Variants in C1orf52 observed in about 807,000 individuals in gnomAD.
C1orf52 encodes the protein chromosome 1 open reading frame 52.
In C1orf52, 5 loss-of-function variants were observed where a neutral mutation model predicts 17.2. That is an observed-to-expected ratio of 0.29 (90% CI 0.15 to 0.61). C1orf52 has a LOEUF of 0.61. C1orf52 is among the 20% of genes least tolerant of loss of function. The probability of loss-of-function intolerance (pLI) is 0.85; values close to 1 mark genes in which losing one functional copy is unlikely to be tolerated. For missense variants in C1orf52, 245 were observed against 234.1 expected (o/e 1.05, Z -0.30); for synonymous variants, 110 against 88.0 (o/e 1.25, Z -1.40).
chr1:85,252,797 C>A (rs1659832116), intron 2 of C1orf52, 95 bp from the exon 3 acceptor site: 1 of 725,702 alleles, frequency 1.4e-6, no homozygotes. Context: ...AAAATTATTA[C>A]CCTCATCAAT....
Position 85,259,618 on chromosome 1 carries a change from TCTC to T in C1orf52, c.13_15del (p.Glu5del), listed in dbSNP as rs749646706. ...GCCGCAAAATAGCTCAGAGGGTCCT[TCTC>T]CTCCGCTGCCATGACGGCTGCGAGC... On this transcript the variant is annotated inframe_deletion, in exon 1 of 3. Transcript: ENST00000471115. 32 of 1,562,154 alleles carry T rather than the reference TCTC, an allele frequency of 2.0e-5. No individual in the cohort carries two copies. The African/African-American group carries it at 3.9e-4, about 19-fold the overall frequency.
At chr1:85,255,763 A>G (rs1280245647) in intron 2 of C1orf52, among the ~76,000 whole-genome samples, 1 of 150,452 alleles carries the variant, frequency 6.6e-6, no homozygotes, top group African/African-American at 2.4e-5. Context: ...TGAATGAAAA[A>G]GAAAGGCTAA....
rs1659823022 is a variant in C1orf52, at chr1:85,252,479, A to C, written c.*150T>G. On this transcript the variant is annotated 3_prime_UTR_variant, in exon 3 of 3. Transcript: ENST00000471115. ...ATGTTTTAAATAAAAAAAGAATTCT[A>C]TAGTGGAAAGTTCTTGAGGCAATAC... 1 of 617,862 alleles carries C rather than the reference A, an allele frequency of 1.6e-6. No homozygotes were observed. Among genetic ancestry groups the C allele is most frequent in the Non-Finnish European group, 2.8e-6 (1 of 353,676 alleles). The allele number at this position is 617,862 out of a possible 1,614,324, so 38.3% of individuals were successfully genotyped here.
chr1:85,254,492 C>G (rs1244882496), intron 2 of C1orf52, among the ~76,000 whole-genome samples: 1 of 151,802 alleles, frequency 6.6e-6, no homozygotes, highest in African/African-American at 2.4e-5. Context: ...CCCAGGTTCA[C>G]GCCATTCTCC....
Position 85,251,324 on chromosome 1 carries a change from T to C in C1orf52, c.*1305A>G, listed in dbSNP as rs940450896. On this transcript the variant is annotated 3_prime_UTR_variant, in exon 3 of 3. Coordinates refer to ENST00000471115, the MANE Select transcript of C1orf52 (RefSeq NM_198077.4). ...CCTTGGCCTCCCAAAGTGCTGGGAT[T>C]ACAAGCATAAGCCACCATGCTTGGC... is the stretch of plus-strand genomic sequence containing the variant. The C allele has an allele frequency of 2.6e-5, 4 of 152,228 alleles. No homozygotes were observed. The highest frequency in any genetic ancestry group is 9.6e-5 in the African/African-American group (4 of 41,452). The allele number at this position is 152,228 out of a possible 1,614,324, so 9.4% of individuals were successfully genotyped here. A position where few individuals can be genotyped will look rare whatever the true frequency, so the allele number is the denominator to read the frequency against.
intron 2 of C1orf52, among the ~76,000 whole-genome samples, chr1:85,255,385 A>C (rs1659911497): frequency 1.3e-5 from 2 of 152,040 alleles, no homozygotes; most frequent in South Asian, 4.2e-4. Flanking sequence ...CCCCATCTCC[A>C]CTAAAAATAC....
chr1:85,259,073 G>A, intron 1 of C1orf52: 1 of 1,348,014 alleles, frequency 7.4e-7, no homozygotes, highest in Non-Finnish European at 9.5e-7. Context: ...TGCAGCGGGG[G>A]GGGCGGGGGA....
chr1:85,255,199 CAT>C (rs1262087892), intron 2 of C1orf52, among the ~76,000 whole-genome samples: 1 of 152,160 alleles, frequency 6.6e-6, no homozygotes, highest in East Asian at 1.9e-4. Flanking sequence ...AATTATTATA[CAT>C]GTCAATAAAG....
chr1:85,255,419 G>A (rs1450295167), intron 2 of C1orf52, among the ~76,000 whole-genome samples: 1 of 152,006 alleles, frequency 6.6e-6, no homozygotes, highest in African/African-American at 2.4e-5. Flanking sequence ...GCGTGGTGGC[G>A]TGTGCCTGTA....
chr1:85,254,418 G>A (rs1049134665), intron 2 of C1orf52, among the ~76,000 whole-genome samples: 9 of 149,506 alleles, frequency 6.0e-5, no homozygotes, highest in African/African-American at 2.2e-4. Flanking sequence ...TTGAGATGGA[G>A]TCTTGCTCTG....
Position 85,252,694 on chromosome 1 carries a change from T to C in C1orf52, c.484A>G (p.Lys162Glu), listed in dbSNP as rs753249300. 1 of 1,610,558 alleles carries C rather than the reference T, an allele frequency of 6.2e-7. No homozygotes were observed. The highest frequency in any genetic ancestry group is 8.5e-7 in the Non-Finnish European group (1 of 1,177,316). ...CGCTTTTTAGAAGTATGCTCATCTT[T>C]TTCATCATCTTTAAATAGAAAAGGA... ...GEETLESDDE[K>E]DEHTSKKRKV... Residue 162 changes from lysine to glutamate, a missense_variant, in exon 3 of 3, where the codon AAA (lysine) becomes GAA (glutamate). Lys to Glu is a moderately conservative substitution (Grantham distance 56, BLOSUM62 1). Coordinates refer to ENST00000471115, the MANE Select transcript of C1orf52 (RefSeq NM_198077.4).
At chr1:85,257,331 T>C (rs1209902236) in intron 2 of C1orf52, 1 of 638,380 alleles carries the variant, frequency 1.6e-6, no homozygotes, top group South Asian at 1.8e-5. Flanking sequence ...ATACCTGAGA[T>C]TTCTTCTTTT....
intron 2 of C1orf52, among the ~76,000 whole-genome samples, chr1:85,256,507 T>G (rs939940601): frequency 1.3e-5 from 2 of 152,072 alleles, no homozygotes; most frequent in Non-Finnish European, 2.9e-5. Context: ...TTACTAATTA[T>G]GAAAAGGAAT....
chr1:85,256,565 C>G (rs1345132883), intron 2 of C1orf52, among the ~76,000 whole-genome samples: 1 of 151,910 alleles, frequency 6.6e-6, no homozygotes, highest in African/African-American at 2.4e-5. Flanking sequence ...TTTGGGAGGC[C>G]AAGGCGGGCA....
rs527624693 is a variant in C1orf52, at chr1:85,259,647, G to T, written c.-14C>A. The T allele has an allele frequency of 3.9e-6, 6 of 1,529,604 alleles. No individual in the cohort carries two copies. Among genetic ancestry groups the T allele is most frequent in the East Asian group, 2.5e-5 (1 of 40,652 alleles). The allele number at this position is 1,529,604 out of a possible 1,614,324, so 94.8% of individuals were successfully genotyped here. On this transcript the variant is annotated 5_prime_UTR_variant, in exon 1 of 3. Transcript: ENST00000471115. ...CTCCGCTGCCATGACGGCTGCGAGC[G>T]ACAACCCAGCACTCCGCCGGAAGCC...
In C1orf52 at chr1:85,250,300, A is replaced by G. The variant is rs1659769657; in HGVS notation, c.*2329T>C. On this transcript the variant is annotated 3_prime_UTR_variant, in exon 3 of 3. Coordinates refer to ENST00000471115, the MANE Select transcript of C1orf52 (RefSeq NM_198077.4). ...CCCAGGCTTAACTTAAAGTGCAGGA[A>G]ACAATCAGAAGTATCAAGTGACTCG... 6.6e-6 allele frequency: 1 copy of G among 152,174 alleles called. No individual in the cohort carries two copies. Among genetic ancestry groups the G allele is most frequent in the African/African-American group, 2.4e-5 (1 of 41,438 alleles). The allele number at this position is 152,174 out of a possible 1,614,324, so 9.4% of individuals were successfully genotyped here. A position where few individuals can be genotyped will look rare whatever the true frequency, so the allele number is the denominator to read the frequency against.
chr1:85,259,184 C>A, intron 1 of C1orf52, 174 bp downstream of exon 1: 2 of 1,132,240 alleles, frequency 1.8e-6, no homozygotes, highest in Non-Finnish European at 2.4e-6. Context: ...CTAACACCCA[C>A]CAGGCGGGGA....
At chr1:85,257,172 T>C (rs1659964680) in intron 2 of C1orf52, among the ~76,000 whole-genome samples, 1 of 152,228 alleles carries the variant, frequency 6.6e-6, no homozygotes, top group African/African-American at 2.4e-5. Flanking sequence ...ATACTTACAA[T>C]GTACTCGATA....
intron 2 of C1orf52, among the ~76,000 whole-genome samples, chr1:85,252,964 A>G (rs913295566): frequency 1.3e-5 from 2 of 152,220 alleles, no homozygotes; most frequent in African/African-American, 4.8e-5. Flanking sequence ...GTAGCTTAAA[A>G]TAAGTGACTT....
Sources: allele counts gnomAD v4.1 joint callset (sites outside exome capture counted in the v4.1 genomes callset), GRCh38; gene constraint gnomAD v4.1.1; transcripts MANE v1.5; gene names NCBI Gene and HGNC (gene_info 2026-07-23, HGNC 2026-07-21).